The following HDDC2 variants were observed in gnomAD, a reference collection of about 807,000 sequenced individuals.
HDDC2 encodes the protein 5'-deoxynucleotidase HDDC2.
Under a neutral mutation model 25.5 loss-of-function variants are expected in HDDC2, and 25 were observed. The ratio of observed to expected loss-of-function variants is 0.98; its 90% confidence interval spans 0.72 to 1.37. The LOEUF (loss-of-function observed/expected upper bound fraction) is 1.37, where lower values mean the gene tolerates loss of function less well. Ranked by LOEUF, HDDC2 falls within the 40% of genes most tolerant of loss-of-function variation. The pLI is 0.00. For missense variants in HDDC2, 264 were observed against 253.1 expected (o/e 1.04, Z -0.29); for synonymous variants, 106 against 89.7 (o/e 1.18, Z -1.03).
intron 4 of HDDC2, among the ~76,000 whole-genome samples, chr6:125,288,075 G>A (rs1798569615): frequency 1.3e-5 from 2 of 152,220 alleles, no homozygotes; most frequent in African/African-American, 2.4e-5. Flanking sequence ...GGGAAATGTG[G>A]CATTCAGGGA....
intron 4 of HDDC2, among the ~76,000 whole-genome samples, chr6:125,292,216 A>T (rs984383663): frequency 6.6e-6 from 1 of 151,586 alleles, no homozygotes; most frequent in Non-Finnish European, 1.5e-5. Flanking sequence ...GGAAAGGGGA[A>T]TTTTTTTTTC....
Position 125,287,509 on chromosome 6 carries a change from A to T in HDDC2, c.378+5332T>A, listed in dbSNP as rs1292125297. ...CTCAATAAAAGGCTTTAAAAATAAT[A>T]AAAATGGCAGAAGAGAACTGGCACA... On this transcript the variant is annotated intron_variant, in intron 4 of 5. Transcript: ENST00000398153. 2.6e-5 allele frequency among the ~76,000 whole-genome samples: 4 copies of T among 152,254 alleles called. No homozygotes were observed. In the East Asian group the frequency reaches 7.7e-4, roughly 29 times the overall value.
chr6:125,276,580 C>A, intron 5 of HDDC2: 1 of 321,664 alleles, frequency 3.1e-6, no homozygotes. Flanking sequence ...AAGCTGAAGA[C>A]AATCTCTGCC....
intron 4 of HDDC2, among the ~76,000 whole-genome samples, chr6:125,288,609 A>G (rs1474081202): frequency 6.6e-6 from 1 of 152,112 alleles, no homozygotes; most frequent in Non-Finnish European, 1.5e-5. Flanking sequence ...TCCAGAATCT[A>G]CAATGAACTC....
At position 125,277,372 on chromosome 6, in the gene HDDC2, T is replaced by C. The variant is rs376453479; in HGVS notation, c.379-132A>G. 604 of 785,948 alleles carry C rather than the reference T, an allele frequency of 7.7e-4. 8 individuals are homozygous for C. The South Asian group carries it at 0.011, about 14-fold the overall frequency. The allele number at this position is 785,948 out of a possible 1,614,324, so 48.7% of individuals were successfully genotyped here. The stretch of plus-strand genomic sequence containing the variant: ...TTCTGTATCGGCCCCATTTCTCTAC[T>C]GTTTAGAAATCCATCAGAGACACTT... On this transcript the variant is annotated intron_variant, in intron 4 of 5. Transcript: ENST00000398153.
Position 125,298,777 on chromosome 6 carries a change from GCA to G in HDDC2, c.244_245del (p.Cys82HisfsTer10). 6.2e-7 allele frequency: 1 copy of G among 1,614,098 alleles called. No homozygotes were observed. The highest frequency in any genetic ancestry group is 8.5e-7 in the Non-Finnish European group (1 of 1,179,994). ...RLALVHDMAE[C>X]IVGDIAPADN... is the part of the protein sequence containing the mutation. Reference sequence around the variant, plus strand: ...CTGCTGGTGCTATGTCCCCAACGATGCATTCTGCCATATCATGAACCAGGGCT... The same window carrying G: ...CTGCTGGTGCTATGTCCCCAACGATGTTCTGCCATATCATGAACCAGGGCT... On this transcript the variant is annotated frameshift_variant, in exon 3 of 6. Coordinates refer to ENST00000398153, the MANE Select transcript of HDDC2 (RefSeq NM_016063.3). LOFTEE classifies it high-confidence loss of function.
chr6:125,295,379 G>C (rs1798693584), intron 3 of HDDC2, among the ~76,000 whole-genome samples: 1 of 152,172 alleles, frequency 6.6e-6, no homozygotes, highest in Non-Finnish European at 1.5e-5. Context: ...AGGCTGAAGA[G>C]TGTAGTAGTC....
At chr6:125,299,567 C>T (rs1440221882) in intron 2 of HDDC2, among the ~76,000 whole-genome samples, 4 of 152,146 alleles carry the variant, frequency 2.6e-5, no homozygotes, top group Non-Finnish European at 5.9e-5. Context: ...CCCACACTAC[C>T]AAGGCAGTAC....
intron 4 of HDDC2, among the ~76,000 whole-genome samples, chr6:125,280,521 A>G (rs1040634160): frequency 6.6e-6 from 1 of 152,204 alleles, no homozygotes; most frequent in Non-Finnish European, 1.5e-5. Context: ...CAGCAGTGTG[A>G]AGTCAACCTG....
intron 4 of HDDC2, among the ~76,000 whole-genome samples, chr6:125,291,476 G>A (rs1422149353): frequency 6.6e-6 from 1 of 152,180 alleles, no homozygotes; most frequent in Non-Finnish European, 1.5e-5. Flanking sequence ...GTTGCCGGAT[G>A]AAGATTTCTG....
At chr6:125,283,112 A>G (rs1257241917) in intron 4 of HDDC2, among the ~76,000 whole-genome samples, 5 of 152,224 alleles carry the variant, frequency 3.3e-5, no homozygotes, top group Non-Finnish European at 7.3e-5. Flanking sequence ...ATAAAATTCA[A>G]CACCTCTTCA....
chr6:125,300,265 T>C (rs752103822), intron 2 of HDDC2: 32 of 393,404 alleles, frequency 8.1e-5, no homozygotes, highest in Non-Finnish European at 1.3e-4. Flanking sequence ...ATTTTAGACA[T>C]AACACACTCA....
At chr6:125,280,892 T>A (rs1442601997) in intron 4 of HDDC2, among the ~76,000 whole-genome samples, 3 of 152,190 alleles carry the variant, frequency 2.0e-5, no homozygotes, top group Admixed American at 6.5e-5. Context: ...CTCCCTGACC[T>A]CCATGCTTCC....
At chr6:125,299,829 A>G (rs1798768567) in intron 2 of HDDC2, among the ~76,000 whole-genome samples, 1 of 152,142 alleles carries the variant, frequency 6.6e-6, no homozygotes, top group Non-Finnish European at 1.5e-5. Context: ...TCCTACACTC[A>G]GGGCTTTGGT....
In HDDC2 at chr6:125,296,455, C is replaced by T. The variant is rs114470495; in HGVS notation, c.309+2259G>A. Among the ~76,000 whole-genome samples, 960 of 152,240 alleles carry T rather than the reference C, an allele frequency of 6.3e-3. 12 individuals carry two copies. Among genetic ancestry groups the T allele is most frequent in the African/African-American group, 0.022 (905 of 41,532 alleles). On this transcript the variant is annotated intron_variant, in intron 3 of 5. Transcript: ENST00000398153. Reference sequence around the variant, plus strand: ...GCAAATTCCACTCAGAGCCAAGAAACCCTCATTTAATTATCTTAATGCATG... The same window carrying T: ...GCAAATTCCACTCAGAGCCAAGAAATCCTCATTTAATTATCTTAATGCATG...
In HDDC2 at chr6:125,275,390, C is replaced by T. The variant is rs1798352734; in HGVS notation, c.*756G>A. 2 of 152,140 alleles carry T rather than the reference C, an allele frequency of 1.3e-5. No individual in the cohort carries two copies. The highest frequency in any genetic ancestry group is 2.4e-5 in the African/African-American group (1 of 41,442). The allele number at this position is 152,140 out of a possible 1,614,324, so 9.4% of individuals were successfully genotyped here. A position where few individuals can be genotyped will look rare whatever the true frequency, so the allele number is the denominator to read the frequency against. On this transcript the variant is annotated 3_prime_UTR_variant, in exon 6 of 6. Coordinates refer to ENST00000398153, the MANE Select transcript of HDDC2 (RefSeq NM_016063.3). ...TAAAAGGGAAAAGAGAGGAAGAAAT[C>T]GGGTTGATATATTCCCTACCTGAGG...
At chr6:125,284,225 G>C (rs1798499963) in intron 4 of HDDC2, among the ~76,000 whole-genome samples, 1 of 152,106 alleles carries the variant, frequency 6.6e-6, no homozygotes, top group Non-Finnish European at 1.5e-5. Context: ...AGAAAACCTA[G>C]GCAATACCAT....
chr6:125,296,970 T>C (rs1304461041), intron 3 of HDDC2, among the ~76,000 whole-genome samples: 1 of 152,252 alleles, frequency 6.6e-6, no homozygotes, highest in Non-Finnish European at 1.5e-5. Context: ...AAATTCACTG[T>C]GTGCTTCCAG....
At chr6:125,291,052 A>T (rs1191501354) in intron 4 of HDDC2, among the ~76,000 whole-genome samples, 1 of 152,226 alleles carries the variant, frequency 6.6e-6, no homozygotes, top group Non-Finnish European at 1.5e-5. Context: ...TTTTCAAATT[A>T]ATAATACAAG....
Sources: allele counts gnomAD v4.1 joint callset (sites outside exome capture counted in the v4.1 genomes callset), GRCh38; gene constraint gnomAD v4.1.1; transcripts MANE v1.5; gene names NCBI Gene and HGNC (gene_info 2026-07-23, HGNC 2026-07-21).